The following ZGPAT variants were observed in gnomAD, a reference collection of about 807,000 sequenced individuals.
The protein encoded by ZGPAT is zinc finger CCCH-type with G patch domain-containing protein.
A neutral mutation model predicts 47.9 loss-of-function variants in ZGPAT; 39 were observed. That is an observed-to-expected ratio of 0.81 (90% confidence interval 0.63 to 1.06). ZGPAT has a LOEUF of 1.06. Among genes scored for constraint, ZGPAT ranks in the 50% least tolerant of loss-of-function variants. ZGPAT has a pLI of 0.00. For synonymous variants in ZGPAT, 348 were observed against 292.9 expected (o/e 1.19, Z -1.92); for missense variants, 717 against 681.4 (o/e 1.05, Z -0.58).
At chr20:63,722,956 T>C (rs1485011825) in intron 2 of ZGPAT, among the ~76,000 whole-genome samples, 2 of 152,116 alleles carry the variant, frequency 1.3e-5, no homozygotes, top group African/African-American at 2.4e-5. Flanking sequence ...GTCTATAACA[T>C]AGATCTACTT....
chr20:63,725,040 AGT>A (rs1398051096), intron 2 of ZGPAT, among the ~76,000 whole-genome samples: 3 of 142,144 alleles, frequency 2.1e-5, no homozygotes, highest in Non-Finnish European at 4.5e-5. Context: ...GCTGGAGTGC[AGT>A]GGCACGATCT....
At chr20:63,710,901 C>T (rs531604775) in intron 2 of ZGPAT, among the ~76,000 whole-genome samples, 1 of 152,234 alleles carries the variant, frequency 6.6e-6, no homozygotes, top group Admixed American at 6.5e-5. Context: ...ATTTTTCCTC[C>T]TTTTTACTTT....
chr20:63,727,449 TCA>T (rs2091856661), intron 2 of ZGPAT, among the ~76,000 whole-genome samples: 1 of 151,702 alleles, frequency 6.6e-6, no homozygotes, highest in Non-Finnish European at 1.5e-5. Context: ...TCAATATTGG[TCA>T]GGCTGGTTTT....
intron 5 of ZGPAT, 23 bp from the exon 6 acceptor site, chr20:63,735,136 C>G (rs547104624): frequency 1.3e-5 from 19 of 1,498,920 alleles, no homozygotes; most frequent in Non-Finnish European, 1.5e-5. Flanking sequence ...AGCCACAGCA[C>G]TGCCATCCCC....
chr20:63,733,492 G>C, intron 3 of ZGPAT, 95 bp from the exon 4 acceptor site: 1 of 1,608,384 alleles, frequency 6.2e-7, no homozygotes, highest in Non-Finnish European at 8.5e-7. Context: ...CCTACCCTCA[G>C]CCTCTGCCCT....
At chr20:63,716,320 G>A (rs375090070) in intron 2 of ZGPAT, among the ~76,000 whole-genome samples, 41 of 152,224 alleles carry the variant, frequency 2.7e-4, no homozygotes, top group African/African-American at 7.2e-4. Flanking sequence ...ATAAGCCACC[G>A]CGTCCAGCCT....
In ZGPAT at chr20:63,722,016, GAAA is replaced by G. The variant is rs11320808; in HGVS notation, c.585-11187_585-11185del. Among the ~76,000 whole-genome samples the G allele has an allele frequency of 1.4e-3, 193 of 140,908 alleles. 2 individuals are homozygous for G. The highest frequency in any genetic ancestry group is 2.4e-3 in the African/African-American group (92 of 38,010). The allele number at this position is 140,908 out of a possible 152,430, so 92.4% of individuals were successfully genotyped here. ...CGACAGAGTGAGACTCCATCTCGGG[GAAA>G]AAAAAAAAAAAAAAATGCCATCAAC... On this transcript the variant is annotated intron_variant, in intron 2 of 6. Transcript: ENST00000355969.
chr20:63,724,719 G>A (rs1217250464), intron 2 of ZGPAT, among the ~76,000 whole-genome samples: 2 of 149,036 alleles, frequency 1.3e-5, no homozygotes, highest in East Asian at 3.9e-4. Flanking sequence ...TGTTGCCCAG[G>A]CTGGAGTGCA....
chr20:63,736,013 C>A lies in ZGPAT; in HGVS notation c.*94C>A, dbSNP rs1005235630. 3 of 1,529,002 alleles carry A rather than the reference C, an allele frequency of 2.0e-6. No individual in the cohort carries two copies. The highest frequency in any genetic ancestry group is 1.8e-6 in the Non-Finnish European group (2 of 1,134,598). 94.7% of individuals were successfully genotyped at this position (1,529,002 alleles called of 1,614,324 possible). A position where few individuals can be genotyped will look rare whatever the true frequency, so the allele number is the denominator to read the frequency against. ...GCCCGAGGAGGGGCCGGCCTGCTGG[C>A]CTGGGGCGTGCAGACACTGCTGAGT... On this transcript the variant is annotated 3_prime_UTR_variant, in exon 7 of 7. Coordinates refer to ENST00000355969, the MANE Select transcript of ZGPAT (RefSeq NM_181485.3).
rs145192304 is a variant in ZGPAT at position 63,735,847 on chromosome 20, C to G, written c.1464C>G (p.Leu488=). 3.7e-6 allele frequency: 6 copies of G among 1,612,726 alleles called. No individual in the cohort carries two copies. The highest frequency in any genetic ancestry group is 4.2e-6 in the Non-Finnish European group (5 of 1,179,858). The change falls in exon 7 of 7, where the codon CTC becomes CTG. Residue 488 remains leucine (L), a synonymous_variant. Transcript: ENST00000355969. ...LAGAQRQLGQ[L]RAQEAGLQQE... is the part of the protein sequence containing the mutation. ...GAGCCCAGCGCCAGCTGGGGCAGCTCCGGGCTCAGGAAGCCGGCCTGCAGC... is the reference window on the plus strand; with the variant it reads ...GAGCCCAGCGCCAGCTGGGGCAGCTGCGGGCTCAGGAAGCCGGCCTGCAGC...
chr20:63,713,906 T>A (rs1458246981), intron 2 of ZGPAT, among the ~76,000 whole-genome samples: 2 of 151,916 alleles, frequency 1.3e-5, no homozygotes, highest in East Asian at 1.9e-4. Flanking sequence ...TGGATTTTTT[T>A]ATGTTAATCC....
At chr20:63,728,100 C>T (rs978852034) in intron 2 of ZGPAT, among the ~76,000 whole-genome samples, 1 of 150,626 alleles carries the variant, frequency 6.6e-6, no homozygotes, top group Non-Finnish European at 1.5e-5. Context: ...CCAGTGGTGC[C>T]ATCTCAGCTC....
Position 63,736,031 on chromosome 20 carries a change from T to C in ZGPAT, c.*112T>C. On this transcript the variant is annotated 3_prime_UTR_variant, in exon 7 of 7. Transcript: ENST00000355969. ...CTGCTGGCCTGGGGCGTGCAGACAC[T>C]GCTGAGTGGAGACAGAGCTGCGGGG... 2.1e-6 allele frequency: 3 copies of C among 1,443,670 alleles called. No individual in the cohort carries two copies. Among genetic ancestry groups the C allele is most frequent in the Non-Finnish European group, 2.8e-6 (3 of 1,075,056 alleles). 89.4% of individuals were successfully genotyped at this position (1,443,670 alleles called of 1,614,324 possible).
At chr20:63,709,772 G>A (rs1251103310) in intron 2 of ZGPAT, among the ~76,000 whole-genome samples, 2 of 151,950 alleles carry the variant, frequency 1.3e-5, no homozygotes, top group African/African-American at 4.8e-5. Flanking sequence ...TGGACCTCCT[G>A]GGCTCAACCG....
chr20:63,734,838 G>GC lies in ZGPAT; in HGVS notation c.991+17dup. The GC allele has an allele frequency of 6.4e-7, 1 of 1,565,242 alleles. No homozygotes were observed. Among genetic ancestry groups the GC allele is most frequent in the Non-Finnish European group, 8.7e-7 (1 of 1,153,800 alleles). On this transcript the variant is annotated intron_variant, in intron 5 of 6. Transcript: ENST00000355969. ...AGTTTGGCAAGGGTGAGTACAAGCTGCCCTGGAGAAGTGGGCAGGCTGCTG... is the reference window on the plus strand; with the variant it reads ...AGTTTGGCAAGGGTGAGTACAAGCTGCCCCTGGAGAAGTGGGCAGGCTGCTG...
chr20:63,731,203 G>T (rs879428334), intron 2 of ZGPAT, among the ~76,000 whole-genome samples: 1 of 152,152 alleles, frequency 6.6e-6, no homozygotes, highest in African/African-American at 2.4e-5. Context: ...TGTGACTCCA[G>T]CAGAGGCGAT....
intron 2 of ZGPAT, among the ~76,000 whole-genome samples, chr20:63,731,657 C>T (rs2091905297): frequency 7.5e-6 from 1 of 132,720 alleles, no homozygotes; most frequent in Admixed American, 7.9e-5. Context: ...TACAGTTGGC[C>T]CTGTGTGTGA....
intron 4 of ZGPAT, chr20:63,734,111 C>G (rs1257038703): frequency 6.8e-6 from 2 of 295,796 alleles, no homozygotes; most frequent in Admixed American, 4.9e-5. Context: ...GCCTGGGATC[C>G]TGGCAGACAG....
chr20:63,726,660 C>CT (rs1410733737), intron 2 of ZGPAT, among the ~76,000 whole-genome samples: 4 of 151,864 alleles, frequency 2.6e-5, no homozygotes, highest in Non-Finnish European at 4.4e-5. Context: ...GTAGCTGGGA[C>CT]TGCAGGCACC....
Sources: allele counts gnomAD v4.1 joint callset (sites outside exome capture counted in the v4.1 genomes callset), GRCh38; gene constraint gnomAD v4.1.1; transcripts MANE v1.5; gene names NCBI Gene and HGNC (gene_info 2026-07-23, HGNC 2026-07-21).